The following LCLAT1 variants were observed in gnomAD, a reference collection of about 807,000 sequenced individuals.
The protein encoded by LCLAT1 is lysocardiolipin acyltransferase 1, also known as 1-AGP acyltransferase 8.
A neutral mutation model predicts 30.7 loss-of-function variants in LCLAT1; 11 were observed. That is an observed-to-expected ratio of 0.36 (90% CI 0.23 to 0.59). The LOEUF is 0.59. LCLAT1 is among the 20% of genes least tolerant of loss of function. LCLAT1 has a pLI of 0.77. For missense variants in LCLAT1, 402 were observed against 458.6 expected (o/e 0.88, Z 1.13); for synonymous variants, 155 against 151.3 (o/e 1.02, Z -0.18).
intron 3 of LCLAT1, among the ~76,000 whole-genome samples, chr2:30,534,895 A>G (rs1686167577): frequency 6.6e-6 from 1 of 152,210 alleles, no homozygotes; most frequent in African/African-American, 2.4e-5. Context: ...GGACTGATAA[A>G]TAAAAGAGAA....
chr2:30,538,395 C>A (rs966715950), intron 3 of LCLAT1, among the ~76,000 whole-genome samples: 1 of 152,028 alleles, frequency 6.6e-6, no homozygotes, highest in Non-Finnish European at 1.5e-5. Context: ...ATGGCTTTAC[C>A]ACTTTGGGAG....
intron 3 of LCLAT1, among the ~76,000 whole-genome samples, chr2:30,559,164 A>G (rs551187595): frequency 4.6e-5 from 7 of 152,278 alleles, no homozygotes; most frequent in Non-Finnish European, 1.0e-4. Flanking sequence ...AAGTTGGAGT[A>G]TTGGTTTTCT....
intron 3 of LCLAT1, among the ~76,000 whole-genome samples, chr2:30,539,570 C>G (rs1572595691): frequency 6.6e-6 from 1 of 152,060 alleles, no homozygotes; most frequent in East Asian, 1.9e-4. Context: ...TGTTATAAAA[C>G]TATATAAACA....
chr2:30,618,901 CT>C (rs1167624404), intron 5 of LCLAT1, among the ~76,000 whole-genome samples: 1 of 151,994 alleles, frequency 6.6e-6, no homozygotes, highest in Non-Finnish European at 1.5e-5. Context: ...TCTGTATGCC[CT>C]TTTTTGTTTT....
intron 3 of LCLAT1, among the ~76,000 whole-genome samples, chr2:30,542,518 C>T (rs139838340): frequency 1.2e-4 from 18 of 152,190 alleles, no homozygotes; most frequent in Non-Finnish European, 2.4e-4. Context: ...TGTCATGATA[C>T]TGTAATTTTA....
intron 1 of LCLAT1, among the ~76,000 whole-genome samples, chr2:30,459,072 G>A (rs1361717598): frequency 6.6e-6 from 1 of 152,210 alleles, no homozygotes; most frequent in East Asian, 1.9e-4. Context: ...TCCAGGAAAT[G>A]AGCAGCATGT....
At chr2:30,571,610 C>T (rs990289124) in intron 5 of LCLAT1, among the ~76,000 whole-genome samples, 1 of 152,188 alleles carries the variant, frequency 6.6e-6, no homozygotes, top group South Asian at 2.1e-4. Flanking sequence ...AATAGTAAGC[C>T]TCTCCCAGGG....
chr2:30,575,427 T>C (rs1665953536), intron 5 of LCLAT1, among the ~76,000 whole-genome samples: 1 of 152,172 alleles, frequency 6.6e-6, no homozygotes, highest in Non-Finnish European at 1.5e-5. Context: ...TTTTAGCATC[T>C]CTCGCATACA....
intron 1 of LCLAT1, among the ~76,000 whole-genome samples, chr2:30,470,696 G>A (rs1245349752): frequency 6.6e-6 from 1 of 152,134 alleles, no homozygotes; most frequent in African/African-American, 2.4e-5. Flanking sequence ...AAATTAGGAA[G>A]TGTGAGTCCT....
At chr2:30,604,938 G>C (rs1019920320) in intron 5 of LCLAT1, among the ~76,000 whole-genome samples, 10 of 152,186 alleles carry the variant, frequency 6.6e-5, no homozygotes, top group Admixed American at 6.5e-4. Context: ...CTGCCTCAAG[G>C]CATCTGTGTC....
chr2:30,498,245 G>C (rs1325107724), intron 1 of LCLAT1, among the ~76,000 whole-genome samples: 1 of 152,174 alleles, frequency 6.6e-6, no homozygotes, highest in Admixed American at 6.5e-5. Context: ...CTGGTCTGCA[G>C]GCTGTTTTGG....
intron 1 of LCLAT1, among the ~76,000 whole-genome samples, chr2:30,475,854 A>G (rs1163108701): frequency 6.6e-6 from 1 of 152,238 alleles, no homozygotes; most frequent in Non-Finnish European, 1.5e-5. Flanking sequence ...CTATTCCTTT[A>G]TGCTTTGTTG....
chr2:30,546,192 G>A (rs1352939752), intron 3 of LCLAT1, among the ~76,000 whole-genome samples: 2 of 152,140 alleles, frequency 1.3e-5, no homozygotes, highest in African/African-American at 2.4e-5. Context: ...TACGAAGACT[G>A]TTATTGGATA....
chr2:30,569,329 A>G (rs1665666453), intron 5 of LCLAT1, among the ~76,000 whole-genome samples: 1 of 152,264 alleles, frequency 6.6e-6, no homozygotes, highest in African/African-American at 2.4e-5. Context: ...GCAAGTTTAT[A>G]TATTTATACA....
At chr2:30,517,762 A>G (rs1217227459) in intron 1 of LCLAT1, among the ~76,000 whole-genome samples, 7 of 152,184 alleles carry the variant, frequency 4.6e-5, no homozygotes, top group Admixed American at 2.0e-4. Flanking sequence ...AGAGAGAGAC[A>G]GAAAGTCAGA....
intron 5 of LCLAT1, among the ~76,000 whole-genome samples, chr2:30,621,462 C>T (rs936847577): frequency 1.1e-4 from 16 of 152,068 alleles, no homozygotes; most frequent in African/African-American, 2.7e-4. Context: ...CTCTCAGCTC[C>T]GACTTGGATG....
At chr2:30,447,776 C>G (rs997332001) in intron 1 of LCLAT1, among the ~76,000 whole-genome samples, 1 of 152,238 alleles carries the variant, frequency 6.6e-6, no homozygotes, top group African/African-American at 2.4e-5. Flanking sequence ...CGGAACGCAA[C>G]CTGAGGTCTG....
chr2:30,450,031 C>T lies in LCLAT1; in HGVS notation c.-5+2648C>T, dbSNP rs544151239. 2.0e-5 allele frequency among the ~76,000 whole-genome samples: 3 copies of T among 152,248 alleles called. No homozygotes were observed. In the East Asian group the frequency reaches 5.8e-4, roughly 29 times the overall value. On this transcript the variant is annotated intron_variant, in intron 1 of 5. Coordinates refer to ENST00000379509, the MANE Select transcript of LCLAT1 (RefSeq NM_001002257.3). ...GTTTCATTGAACCTTTATGGAATAG[C>T]CCTGCCAAGTCTTTAGGATGTAAAC...
At chr2:30,590,698 CTAAT>C (rs1339790038) in intron 5 of LCLAT1, among the ~76,000 whole-genome samples, 2 of 151,600 alleles carry the variant, frequency 1.3e-5, no homozygotes, top group African/African-American at 2.4e-5. Flanking sequence ...GTTTCAGAAA[CTAAT>C]TATTTAGCAG....
Sources: allele counts gnomAD v4.1 joint callset (sites outside exome capture counted in the v4.1 genomes callset), GRCh38; gene constraint gnomAD v4.1.1; transcripts MANE v1.5; gene names NCBI Gene and HGNC (gene_info 2026-07-23, HGNC 2026-07-21).